The following EDIL3 variants were observed in gnomAD, a reference collection of about 807,000 sequenced individuals.
EDIL3 encodes EGF-like repeat and discoidin I-like domain-containing protein 3.
In EDIL3, 37 loss-of-function variants were observed where a neutral mutation model predicts 67.4. The observed-to-expected ratio is 0.55, with a 90% confidence interval of 0.42 to 0.72. The LOEUF (loss-of-function observed/expected upper bound fraction) is 0.72, where lower values mean the gene tolerates loss of function less well. EDIL3 is among the 30% of genes least tolerant of loss of function. The pLI is 0.00. For missense variants in EDIL3, 527 were observed against 586.3 expected (o/e 0.90, Z 1.04); for synonymous variants, 195 against 196.3 (o/e 0.99, Z 0.05).
intron 9 of EDIL3, among the ~76,000 whole-genome samples, chr5:83,968,654 G>A (rs1217198389): frequency 6.6e-6 from 1 of 151,870 alleles, no homozygotes. Flanking sequence ...GGCATCATCT[G>A]CCTGAATACA....
At chr5:84,241,970 C>T (rs144471315) in intron 2 of EDIL3, among the ~76,000 whole-genome samples, 20 of 151,052 alleles carry the variant, frequency 1.3e-4, no homozygotes, top group Middle Eastern at 3.4e-3. Context: ...CCTGTAATCC[C>T]AGCACTTTGA....
rs944262489 is a variant in EDIL3 at position 83,983,745 on chromosome 5, T to TC, written c.1138-20386_1138-20385insG. 1.0e-3 allele frequency among the ~76,000 whole-genome samples: 151 copies of TC among 150,020 alleles called. 1 individual carries two copies. Among genetic ancestry groups the TC allele is most frequent in the Non-Finnish European group, 1.6e-3 (108 of 67,452 alleles). On this transcript the variant is annotated intron_variant, in intron 9 of 10. Transcript: ENST00000296591. ...CAGGTGGGAGGACAGGGACTTTCTT[T>TC]TTTTTTTTTTTTTTCACTGTTCATT... is the stretch of plus-strand genomic sequence containing the variant.
chr5:84,259,659 C>T (rs962431203), intron 1 of EDIL3, among the ~76,000 whole-genome samples: 11 of 152,152 alleles, frequency 7.2e-5, no homozygotes, highest in African/African-American at 2.7e-4. Flanking sequence ...GAGTTCTGAT[C>T]GGACTGCATG....
intron 9 of EDIL3, among the ~76,000 whole-genome samples, chr5:84,029,372 G>A (rs540536200): frequency 2.0e-5 from 3 of 152,230 alleles, no homozygotes; most frequent in Non-Finnish European, 2.9e-5. Flanking sequence ...CTTCCGCAAC[G>A]ATTGTGAGGC....
At chr5:84,370,895 T>C (rs944806964) in intron 1 of EDIL3, among the ~76,000 whole-genome samples, 2 of 152,072 alleles carry the variant, frequency 1.3e-5, no homozygotes, top group African/African-American at 4.8e-5. Context: ...AAAAGATGTA[T>C]ATACCAGCAG....
At position 84,364,776 on chromosome 5, in the gene EDIL3, T is replaced by C. The variant is rs145913277; in HGVS notation, c.67+19532A>G. Among the ~76,000 whole-genome samples the C allele has an allele frequency of 7.5e-3, 1,141 of 152,146 alleles. 9 individuals are homozygous for C. Among genetic ancestry groups the C allele is most frequent in the African/African-American group, 0.025 (1,059 of 41,542 alleles). On this transcript the variant is annotated intron_variant, in intron 1 of 10. Coordinates refer to ENST00000296591, the MANE Select transcript of EDIL3 (RefSeq NM_005711.5). ...AATCCTGCAACAGGTTAATTTTAGT[T>C]ATAAATGTTGTTACTTTAGAAATAG...
chr5:84,206,021 AT>A (rs1462887889), intron 3 of EDIL3, among the ~76,000 whole-genome samples: 1 of 151,086 alleles, frequency 6.6e-6, no homozygotes, highest in Admixed American at 6.6e-5. Flanking sequence ...TCAATTTTGG[AT>A]CTTTCCTGCT....
intron 9 of EDIL3, among the ~76,000 whole-genome samples, chr5:84,049,481 A>G (rs912237052): frequency 2.0e-5 from 3 of 152,192 alleles, no homozygotes; most frequent in African/African-American, 7.2e-5. Flanking sequence ...CTTTGTTTGG[A>G]AACTACCTAT....
intron 1 of EDIL3, among the ~76,000 whole-genome samples, chr5:84,299,601 CAATT>C (rs1433502776): frequency 1.3e-5 from 2 of 152,084 alleles, no homozygotes; most frequent in African/African-American, 4.8e-5. Flanking sequence ...AACTTATATT[CAATT>C]GTTTCATTTT....
intron 1 of EDIL3, among the ~76,000 whole-genome samples, chr5:84,289,884 A>G (rs900813003): frequency 1.3e-5 from 2 of 152,238 alleles, no homozygotes; most frequent in African/African-American, 4.8e-5. Context: ...AAATGAAAAC[A>G]TTAATAAATT....
At chr5:84,073,316 TA>T (rs1353885554) in intron 6 of EDIL3, among the ~76,000 whole-genome samples, 1 of 152,156 alleles carries the variant, frequency 6.6e-6, no homozygotes, top group East Asian at 1.9e-4. Context: ...TCACCACTCC[TA>T]TTCAACATAG....
chr5:84,323,601 C>A (rs1746692750), intron 1 of EDIL3, among the ~76,000 whole-genome samples: 1 of 151,814 alleles, frequency 6.6e-6, no homozygotes, highest in African/African-American at 2.4e-5. Flanking sequence ...GGATTGAATC[C>A]TCTACTCAAA....
chr5:84,154,393 A>T (rs1275305066), intron 4 of EDIL3, among the ~76,000 whole-genome samples: 2 of 152,132 alleles, frequency 1.3e-5, no homozygotes, highest in African/African-American at 4.8e-5. Flanking sequence ...TACAATAATT[A>T]TATGTTAATT....
At chr5:84,308,471 C>T (rs1746316382) in intron 1 of EDIL3, among the ~76,000 whole-genome samples, 1 of 152,126 alleles carries the variant, frequency 6.6e-6, no homozygotes, top group Non-Finnish European at 1.5e-5. Flanking sequence ...GTCTGCTGTA[C>T]AGCAGTTTAA....
At chr5:83,992,723 C>T (rs965243246) in intron 9 of EDIL3, among the ~76,000 whole-genome samples, 6 of 151,722 alleles carry the variant, frequency 4.0e-5, no homozygotes, top group Admixed American at 6.6e-5. Flanking sequence ...AATCACAGCA[C>T]GAAGTAATGA....
intron 3 of EDIL3, among the ~76,000 whole-genome samples, chr5:84,194,778 C>T (rs1279482100): frequency 1.3e-5 from 2 of 151,898 alleles, no homozygotes; most frequent in African/African-American, 4.8e-5. Context: ...AACTTCACTA[C>T]ATTTCCTATA....
At chr5:83,973,732 C>G (rs1744829192) in intron 9 of EDIL3, among the ~76,000 whole-genome samples, 1 of 151,920 alleles carries the variant, frequency 6.6e-6, no homozygotes. Context: ...CATCTATATA[C>G]AAATTTGTGT....
chr5:84,073,751 T>G (rs1301912610), intron 6 of EDIL3, among the ~76,000 whole-genome samples: 7 of 151,942 alleles, frequency 4.6e-5, no homozygotes, highest in Non-Finnish European at 8.8e-5. Context: ...AGAATCAATA[T>G]CGTGAAAATG....
intron 1 of EDIL3, among the ~76,000 whole-genome samples, chr5:84,305,918 A>AATAAATAG (rs1373583712): frequency 9.5e-4 from 143 of 149,810 alleles, no homozygotes; most frequent in Middle Eastern, 3.5e-3. Flanking sequence ...TAAATAAATA[A>AATAAATAG]ATAGATAGAT....
Sources: allele counts gnomAD v4.1 joint callset (sites outside exome capture counted in the v4.1 genomes callset), GRCh38; gene constraint gnomAD v4.1.1; transcripts MANE v1.5; gene names NCBI Gene and HGNC (gene_info 2026-07-23, HGNC 2026-07-21).